LRRC4C: variants seen among roughly 807,000 people sequenced by gnomAD.
The protein encoded by LRRC4C is leucine-rich repeat-containing protein 4C.
Under a neutral mutation model 33.6 loss-of-function variants are expected in LRRC4C, and 5 were observed. The ratio of observed to expected loss-of-function variants is 0.15; its 90% CI spans 0.08 to 0.31. The LOEUF (loss-of-function observed/expected upper bound fraction) is 0.31. Among genes scored for constraint, LRRC4C ranks in the 10% least tolerant of loss-of-function variants. LRRC4C has a pLI of 1.00. For synonymous variants in LRRC4C, 329 were observed against 302.0 expected (o/e 1.09, Z -0.93); for missense variants, 560 against 796.7 (o/e 0.70, Z 3.58).
At chr11:41,388,277 A>G (rs1053812222) in intron 1 of LRRC4C, among the ~76,000 whole-genome samples, 1 of 151,816 alleles carries the variant, frequency 6.6e-6, no homozygotes, top group African/African-American at 2.4e-5. Flanking sequence ...TGCTAGGGTA[A>G]AGATAATGGG....
At chr11:41,137,994 G>C (rs1943339518) in intron 1 of LRRC4C, among the ~76,000 whole-genome samples, 1 of 152,168 alleles carries the variant, frequency 6.6e-6, no homozygotes, top group South Asian at 2.1e-4. Flanking sequence ...GGAGATGGTT[G>C]TAAAAAATTA....
intron 2 of LRRC4C, among the ~76,000 whole-genome samples, chr11:40,665,319 AAAAAAAATAT>A (rs1367434259): frequency 4.9e-5 from 1 of 20,448 alleles, no homozygotes; most frequent in African/African-American, 1.3e-4. Context: ...AAAAAAAAAA[AAAAAAAATAT>A]ATATATATAT....
chr11:40,630,249 A>C (rs1963336521), intron 3 of LRRC4C, among the ~76,000 whole-genome samples: 1 of 152,082 alleles, frequency 6.6e-6, no homozygotes, highest in Non-Finnish European at 1.5e-5. Flanking sequence ...AAAATATGAC[A>C]ATACACTAAG....
chr11:40,153,260 A>G (rs1237986031), intron 5 of LRRC4C, among the ~76,000 whole-genome samples: 1 of 152,154 alleles, frequency 6.6e-6, no homozygotes, highest in Non-Finnish European at 1.5e-5. Context: ...TATCAAGGGA[A>G]CACCCCATGG....
chr11:40,171,841 G>A (rs1047834391), intron 5 of LRRC4C, among the ~76,000 whole-genome samples: 9 of 152,112 alleles, frequency 5.9e-5, no homozygotes, highest in African/African-American at 2.2e-4. Context: ...GCAGCAAAAC[G>A]TTGGCCTGAA....
intron 1 of LRRC4C, among the ~76,000 whole-genome samples, chr11:41,017,393 A>G (rs1437741927): frequency 6.6e-6 from 1 of 152,192 alleles, no homozygotes; most frequent in Non-Finnish European, 1.5e-5. Flanking sequence ...CTTTGATTAT[A>G]TCCAAGGAAC....
intron 1 of LRRC4C, among the ~76,000 whole-genome samples, chr11:41,190,090 A>C (rs571004764): frequency 2.6e-5 from 4 of 152,308 alleles, no homozygotes; most frequent in African/African-American, 9.6e-5. Flanking sequence ...AACTGTAAAA[A>C]CGGACATTCA....
rs1404624955 is a variant in LRRC4C, at chr11:40,356,884, C to T, written c.-269-37163G>A. Among the ~76,000 whole-genome samples, 9 of 152,204 alleles carry T rather than the reference C, an allele frequency of 5.9e-5. No homozygotes were observed. In the South Asian group the frequency reaches 1.0e-3, roughly 18 times the overall value. ...ATCACTTGACATGAATTACTTTATA[C>T]ATTTACACCAACCATTAGAAGAAAG... On this transcript the variant is annotated intron_variant, in intron 3 of 6. Transcript: ENST00000528697.
At chr11:40,756,342 A>G (rs1948945031) in intron 2 of LRRC4C, among the ~76,000 whole-genome samples, 1 of 152,154 alleles carries the variant, frequency 6.6e-6, no homozygotes, top group South Asian at 2.1e-4. Flanking sequence ...ATTCTTTTAC[A>G]TAATCCGTCG....
chr11:41,383,120 G>A (rs77382566), intron 1 of LRRC4C, among the ~76,000 whole-genome samples: 1,627 of 152,100 alleles, frequency 0.011, 32 homozygotes, highest in African/African-American at 0.037. Flanking sequence ...TAAGCTGGCC[G>A]AAACTGGCTT....
At chr11:41,323,099 C>A (rs1477439064) in intron 1 of LRRC4C, among the ~76,000 whole-genome samples, 6 of 152,120 alleles carry the variant, frequency 3.9e-5, no homozygotes, top group Non-Finnish European at 8.8e-5. Context: ...TATTTCAATA[C>A]AAATACCTCT....
In LRRC4C at chr11:40,498,871, T is replaced by C. The variant is rs537530197; in HGVS notation, c.-270+149271A>G. ...AGTGGAATTTACTGGAAAAATAGGC[T>C]TTAAATGATCTCAGTGATTGTGAAT... is the stretch of plus-strand genomic sequence containing the variant. On this transcript the variant is annotated intron_variant, in intron 3 of 6. Transcript: ENST00000528697. Among the ~76,000 whole-genome samples, 5 of 152,310 alleles carry C rather than the reference T, an allele frequency of 3.3e-5. No individual in the cohort carries two copies. The South Asian group carries it at 8.3e-4, about 25-fold the overall frequency.
intron 2 of LRRC4C, among the ~76,000 whole-genome samples, chr11:40,761,796 G>C (rs1480066605): frequency 1.3e-5 from 2 of 152,092 alleles, no homozygotes; most frequent in Non-Finnish European, 2.9e-5. Context: ...ACAGTACTGC[G>C]GTTCTGTCTT....
chr11:40,908,025 C>T (rs1054186091), intron 2 of LRRC4C, among the ~76,000 whole-genome samples: 4 of 152,250 alleles, frequency 2.6e-5, no homozygotes, highest in African/African-American at 7.2e-5. Context: ...TAATCAGACA[C>T]ACAACTTCAG....
At chr11:41,024,998 C>T (rs185754610) in intron 1 of LRRC4C, among the ~76,000 whole-genome samples, 3 of 151,444 alleles carry the variant, frequency 2.0e-5, no homozygotes, top group Admixed American at 6.6e-5. Context: ...TTTTGGGGTG[C>T]CACAAACCAA....
intron 1 of LRRC4C, among the ~76,000 whole-genome samples, chr11:41,062,463 T>C (rs987296857): frequency 9.2e-5 from 14 of 152,212 alleles, no homozygotes; most frequent in Admixed American, 2.0e-4. Context: ...TTCAGTATTT[T>C]AATGCAGATG....
At chr11:40,945,603 G>A (rs1467930757) in intron 1 of LRRC4C, among the ~76,000 whole-genome samples, 6 of 152,030 alleles carry the variant, frequency 3.9e-5, no homozygotes, top group South Asian at 2.1e-4. Flanking sequence ...ATGCAAATTC[G>A]CTGACAAGTC....
intron 1 of LRRC4C, among the ~76,000 whole-genome samples, chr11:41,213,017 A>G (rs1455517969): frequency 6.6e-6 from 1 of 152,192 alleles, no homozygotes; most frequent in African/African-American, 2.4e-5. Flanking sequence ...TCTCTGTGTA[A>G]TAAAGGTAAT....
chr11:41,136,821 C>A (rs1353207021), intron 1 of LRRC4C, among the ~76,000 whole-genome samples: 1 of 152,134 alleles, frequency 6.6e-6, no homozygotes, highest in Admixed American at 6.6e-5. Context: ...TAGCCACTGC[C>A]TATAAGGAAT....
Sources: gnomAD v4.1 joint callset for allele counts (sites outside exome capture counted in the v4.1 genomes callset) on GRCh38, gnomAD v4.1.1 for gene constraint, MANE v1.5 for transcripts, NCBI Gene and HGNC (gene_info 2026-07-23, HGNC 2026-07-21) for gene names.